NRG3: variants seen among roughly 807,000 people sequenced by gnomAD.
The protein encoded by NRG3 is pro-neuregulin-3, membrane-bound isoform.
Under a neutral mutation model 66.9 loss-of-function variants are expected in NRG3, and 31 were observed. The observed-to-expected ratio is 0.46, with a 90% CI of 0.35 to 0.63. The LOEUF is 0.63. Ranked by LOEUF, NRG3 falls within the 20% of genes least tolerant of loss-of-function variation. The pLI, the probability that NRG3 is intolerant of heterozygous loss-of-function variation, is 0.00. For synonymous variants in NRG3, 393 were observed against 359.4 expected (o/e 1.09, Z -1.06); for missense variants, 910 against 878.9 (o/e 1.04, Z -0.45).
intron 2 of NRG3, among the ~76,000 whole-genome samples, chr10:82,568,423 G>T (rs2045544110): frequency 6.6e-6 from 1 of 151,786 alleles, no homozygotes; most frequent in Non-Finnish European, 1.5e-5. Context: ...AGATCTTCAG[G>T]TATTAACAAA....
intron 2 of NRG3, among the ~76,000 whole-genome samples, chr10:82,583,854 A>G (rs1475417826): frequency 6.6e-6 from 1 of 152,162 alleles, no homozygotes; most frequent in African/African-American, 2.4e-5. Flanking sequence ...TAAGAAGTTC[A>G]GTAACAAATA....
chr10:82,951,491 G>T lies in NRG3; in HGVS notation c.1077G>T (p.Arg359Ser), dbSNP rs138439179. Residue 359 changes from arginine to serine, a missense_variant, in exon 5 of 9, where the codon AGG becomes AGT. Arg to Ser is a moderately radical substitution (Grantham distance 110). Transcript: ENST00000372141. ...EFMESEEVYQRQVLSISCIIF... is the reference protein window; with the variant it reads ...EFMESEEVYQSQVLSISCIIF... Reference sequence around the variant, plus strand: ...CAGAGAGTGAAGAAGTTTATCAAAGGCAGGTGCTGTCAATTTCATGTATCA... The same window carrying T: ...CAGAGAGTGAAGAAGTTTATCAAAGTCAGGTGCTGTCAATTTCATGTATCA... 691 of 1,613,722 alleles carry T rather than the reference G, an allele frequency of 4.3e-4. No homozygotes were observed. Among genetic ancestry groups the T allele is most frequent in the Non-Finnish European group, 5.3e-4 (628 of 1,179,788 alleles).
chr10:82,240,742 T>G (rs1400041696), intron 1 of NRG3, among the ~76,000 whole-genome samples: 1 of 152,172 alleles, frequency 6.6e-6, no homozygotes, highest in Admixed American at 6.5e-5. Context: ...AGATCTTTCT[T>G]TATGAATGTT....
intron 1 of NRG3, among the ~76,000 whole-genome samples, chr10:82,179,639 A>G (rs529739860): frequency 1.3e-5 from 2 of 151,910 alleles, no homozygotes; most frequent in South Asian, 2.1e-4. Context: ...TTTTTTTATT[A>G]CTGTAGCTTT....
intron 1 of NRG3, among the ~76,000 whole-genome samples, chr10:82,253,726 C>A (rs1206568757): frequency 1.3e-5 from 2 of 152,184 alleles, no homozygotes; most frequent in Non-Finnish European, 2.9e-5. Flanking sequence ...GATTCCCCTG[C>A]TTTAAAACTT....
chr10:82,673,013 AGTGTTGGGATTACAGGC>A (rs1336862171), intron 2 of NRG3, among the ~76,000 whole-genome samples: 2 of 152,198 alleles, frequency 1.3e-5, no homozygotes, highest in African/African-American at 2.4e-5. Flanking sequence ...AGCCTCCCAA[AGTGTTGGGATTACAGGC>A]GTGAGCCACC....
chr10:81,903,434 G>A (rs1274826055), intron 1 of NRG3, among the ~76,000 whole-genome samples: 2 of 152,090 alleles, frequency 1.3e-5, no homozygotes, highest in African/African-American at 4.8e-5. Context: ...ACATGATAAA[G>A]GAAAACAAAA....
At chr10:82,446,215 C>A (rs2136504857) in intron 2 of NRG3, among the ~76,000 whole-genome samples, 1 of 152,338 alleles carries the variant, frequency 6.6e-6, no homozygotes, top group Non-Finnish European at 1.5e-5. Flanking sequence ...CAGGATCATG[C>A]ACTTTGTTCC....
chr10:82,009,822 C>T (rs571258827), intron 1 of NRG3, among the ~76,000 whole-genome samples: 9 of 152,168 alleles, frequency 5.9e-5, no homozygotes, highest in Non-Finnish European at 1.2e-4. Flanking sequence ...TGGGCATTTG[C>T]CTTGTGGAAG....
intron 2 of NRG3, among the ~76,000 whole-genome samples, chr10:82,516,213 G>A (rs899510738): frequency 6.6e-6 from 1 of 152,158 alleles, no homozygotes; most frequent in East Asian, 1.9e-4. Context: ...AAGGGGAAGA[G>A]AGGAGGCAAT....
At chr10:82,799,526 C>CA (rs67074946) in intron 3 of NRG3, among the ~76,000 whole-genome samples, 5,174 of 109,554 alleles carry the variant, frequency 0.047, 184 homozygotes, top group Middle Eastern at 0.12. Flanking sequence ...AATTCCGTCT[C>CA]AAAAAAAAAA....
chr10:82,519,600 C>T (rs1300644072), intron 2 of NRG3, among the ~76,000 whole-genome samples: 2 of 152,192 alleles, frequency 1.3e-5, no homozygotes, highest in Non-Finnish European at 2.9e-5. Flanking sequence ...CTGGTCCCAT[C>T]TCTCTTCTGG....
intron 2 of NRG3, among the ~76,000 whole-genome samples, chr10:82,713,266 A>G (rs2056785410): frequency 6.6e-6 from 1 of 152,116 alleles, no homozygotes; most frequent in African/African-American, 2.4e-5. Context: ...GAGTAAGATA[A>G]TTTGATATGT....
At chr10:82,690,090 T>C (rs2054807283) in intron 2 of NRG3, among the ~76,000 whole-genome samples, 1 of 152,196 alleles carries the variant, frequency 6.6e-6, no homozygotes, top group Non-Finnish European at 1.5e-5. Context: ...AGATTTTGCC[T>C]TGTCTGATGC....
At chr10:82,520,078 A>G (rs1362574366) in intron 2 of NRG3, among the ~76,000 whole-genome samples, 1 of 151,346 alleles carries the variant, frequency 6.6e-6, no homozygotes, top group East Asian at 1.9e-4. Flanking sequence ...TATGGGGGTA[A>G]GTGTTAGCTT....
chr10:82,132,323 A>G (rs1187005791), intron 1 of NRG3, among the ~76,000 whole-genome samples: 1 of 150,760 alleles, frequency 6.6e-6, no homozygotes, highest in Non-Finnish European at 1.5e-5. Flanking sequence ...TTCTGTTAAT[A>G]TGATGTTATC....
At chr10:82,262,567 T>C (rs535775235) in intron 1 of NRG3, among the ~76,000 whole-genome samples, 4 of 152,350 alleles carry the variant, frequency 2.6e-5, no homozygotes, top group African/African-American at 4.8e-5. Flanking sequence ...TTAGTACTGC[T>C]CTGTTCTCAG....
At chr10:82,744,576 G>A (rs1246430449) in intron 3 of NRG3, among the ~76,000 whole-genome samples, 1 of 152,118 alleles carries the variant, frequency 6.6e-6, no homozygotes, top group Non-Finnish European at 1.5e-5. Flanking sequence ...ATTTCGGTGG[G>A]ACACAAACTT....
chr10:82,110,641 A>G (rs1590153240), intron 1 of NRG3, among the ~76,000 whole-genome samples: 1 of 152,074 alleles, frequency 6.6e-6, no homozygotes, highest in Admixed American at 6.6e-5. Flanking sequence ...TATGAATTGA[A>G]TATGGAGTAA....
Sources: allele counts gnomAD v4.1 joint callset (sites outside exome capture counted in the v4.1 genomes callset), GRCh38; gene constraint gnomAD v4.1.1; transcripts MANE v1.5; gene names NCBI Gene and HGNC (gene_info 2026-07-23, HGNC 2026-07-21).